DLG1: variants seen among roughly 807,000 people sequenced by gnomAD.
DLG1 encodes the protein discs large MAGUK scaffold protein 1.
Under a neutral mutation model 123.4 loss-of-function variants are expected in DLG1, and 42 were observed. That is an observed-to-expected ratio of 0.34 (90% CI 0.27 to 0.44). DLG1 has a LOEUF of 0.44. DLG1 is among the 20% of genes least tolerant of loss of function. The probability of loss-of-function intolerance (pLI) is 1.00; values close to 1 mark genes in which losing one functional copy is unlikely to be tolerated. For missense variants in DLG1, 942 were observed against 1,082.6 expected, an observed-to-expected ratio of 0.87 and a Z score of 1.82; for synonymous variants, 317 against 356.2, an observed-to-expected ratio of 0.89 and a Z score of 1.24.
chr3:197,138,152 GAT>G (rs1786053449), intron 9 of DLG1, 68 bp downstream of exon 9: 1 of 939,506 alleles, frequency 1.1e-6, no homozygotes, highest in Non-Finnish European at 1.5e-6. Flanking sequence ...GTATGTCACA[GAT>G]AAAGTTCATA....
chr3:197,221,545 A>G (rs955077067), intron 4 of DLG1, among the ~76,000 whole-genome samples: 2 of 152,114 alleles, frequency 1.3e-5, no homozygotes, highest in African/African-American at 2.4e-5. Flanking sequence ...GGAAAAAAAA[A>G]AAAGAAACAT....
intron 11 of DLG1, among the ~76,000 whole-genome samples, chr3:197,125,485 A>G (rs1346108267): frequency 1.3e-5 from 2 of 152,182 alleles, no homozygotes; most frequent in Non-Finnish European, 2.9e-5. Context: ...AGCTAATACA[A>G]ATAGAAAAAT....
chr3:197,225,126 T>C (rs1210928324), intron 4 of DLG1, among the ~76,000 whole-genome samples: 1 of 152,188 alleles, frequency 6.6e-6, no homozygotes. Flanking sequence ...CCAGCTAATT[T>C]TTTTGTACTT....
intron 13 of DLG1, among the ~76,000 whole-genome samples, chr3:197,108,992 C>T (rs1416504756): frequency 6.6e-6 from 1 of 151,942 alleles, no homozygotes; most frequent in Non-Finnish European, 1.5e-5. Flanking sequence ...CATTTTAATT[C>T]CCATGTCATT....
intron 4 of DLG1, among the ~76,000 whole-genome samples, chr3:197,253,266 T>C (rs867262267): frequency 2.5e-4 from 38 of 152,246 alleles, no homozygotes; most frequent in Admixed American, 2.2e-3. Context: ...CAAAAGACCA[T>C]GAAGAGACAT....
At chr3:197,159,618 T>C (rs760728443) in intron 5 of DLG1, among the ~76,000 whole-genome samples, 6 of 152,226 alleles carry the variant, frequency 3.9e-5, no homozygotes, top group Non-Finnish European at 5.9e-5. Context: ...TGTTAGTATG[T>C]ATTTTAAATT....
At position 197,115,811 on chromosome 3, in the gene DLG1, TAAG is replaced by T. The variant is rs921981320; in HGVS notation, c.1443+113_1443+115del. On this transcript the variant is annotated intron_variant, in intron 13 of 24. Transcript: ENST00000667157. Reference sequence around the variant, plus strand: ...ATTCTACAATTAAGCTGTAAAATGTTAAGAAGATAACCAAGATATCCCCATTAC... The same window carrying T: ...ATTCTACAATTAAGCTGTAAAATGTTAAGATAACCAAGATATCCCCATTAC... 2.3e-5 allele frequency: 23 copies of T among 1,000,310 alleles called. No homozygotes were observed. The African/African-American group carries it at 3.1e-4, about 13-fold the overall frequency. The allele number at this position is 1,000,310 out of a possible 1,614,324, so 62.0% of individuals were successfully genotyped here.
chr3:197,270,828 G>C (rs1279017748), intron 4 of DLG1, among the ~76,000 whole-genome samples: 1 of 152,190 alleles, frequency 6.6e-6, no homozygotes, highest in Non-Finnish European at 1.5e-5. Flanking sequence ...TCACTGTGAG[G>C]TCTGCTTACC....
At chr3:197,073,555 C>G (rs1027388383) in intron 18 of DLG1, among the ~76,000 whole-genome samples, 5 of 152,166 alleles carry the variant, frequency 3.3e-5, no homozygotes, top group Non-Finnish European at 7.4e-5. Flanking sequence ...TGCATTCTCC[C>G]AAACTTCCAT....
At position 197,044,616 on chromosome 3, in the gene DLG1, T is replaced by G; in HGVS notation, c.*7A>C. 3 of 1,578,398 alleles carry G rather than the reference T, an allele frequency of 1.9e-6. No individual in the cohort carries two copies. Among genetic ancestry groups the G allele is most frequent in the Non-Finnish European group, 2.6e-6 (3 of 1,151,398 alleles). Reference sequence around the variant, plus strand: ...TGTGGAAAAGAGAAACAGAGAAACATGAGTTTTCATAGCTTTTCTTTTGCC... The same window carrying G: ...TGTGGAAAAGAGAAACAGAGAAACAGGAGTTTTCATAGCTTTTCTTTTGCC... On this transcript the variant is annotated 3_prime_UTR_variant, in exon 25 of 25. Coordinates refer to ENST00000667157, the MANE Select transcript of DLG1 (RefSeq NM_001366207.1).
chr3:197,225,571 T>C (rs1739444743), intron 4 of DLG1, among the ~76,000 whole-genome samples: 1 of 152,238 alleles, frequency 6.6e-6, no homozygotes, highest in African/African-American at 2.4e-5. Flanking sequence ...GTGTTTCCTG[T>C]ACACTTAATT....
chr3:197,183,502 A>G lies in DLG1; in HGVS notation c.483+10923T>C, dbSNP rs1284525109. Reference sequence around the variant, plus strand: ...AGGCTATTCTTTAAATAAAAAATCTATATTAAGACATTTTTACAGAGCAAA... The same window carrying G: ...AGGCTATTCTTTAAATAAAAAATCTGTATTAAGACATTTTTACAGAGCAAA... On this transcript the variant is annotated intron_variant, in intron 5 of 24. Coordinates refer to ENST00000667157, the MANE Select transcript of DLG1 (RefSeq NM_001366207.1). 5 of 1,330,340 alleles carry G rather than the reference A, an allele frequency of 3.8e-6. No individual in the cohort carries two copies. The African/African-American group carries it at 4.4e-5, about 12-fold the overall frequency. The allele number at this position is 1,330,340 out of a possible 1,614,324, so 82.4% of individuals were successfully genotyped here. A position where few individuals can be genotyped will look rare whatever the true frequency, so the allele number is the denominator to read the frequency against.
intron 5 of DLG1, among the ~76,000 whole-genome samples, chr3:197,173,567 A>G (rs949083614): frequency 6.6e-6 from 1 of 152,168 alleles, no homozygotes; most frequent in African/African-American, 2.4e-5. Flanking sequence ...ATAGTTCAAA[A>G]AGAGATTTTG....
At chr3:197,142,151 T>A (rs1560995708) in intron 7 of DLG1, among the ~76,000 whole-genome samples, 1 of 152,220 alleles carries the variant, frequency 6.6e-6, no homozygotes. Context: ...AAAATTGATA[T>A]AATGACCATG....
intron 23 of DLG1, among the ~76,000 whole-genome samples, chr3:197,054,332 T>TTTTG (rs1553868190): frequency 5.0e-4 from 7 of 14,086 alleles, no homozygotes; most frequent in African/African-American, 2.0e-3. Context: ...TCTCTCTGCC[T>TTTTG]TCTCTCTATT....
chr3:197,257,094 A>G (rs1757235671), intron 4 of DLG1, among the ~76,000 whole-genome samples: 1 of 152,162 alleles, frequency 6.6e-6, no homozygotes, highest in Non-Finnish European at 1.5e-5. Flanking sequence ...TCTTTTAAAA[A>G]AAATCTAAAA....
chr3:197,111,966 G>A (rs934621954), intron 13 of DLG1, among the ~76,000 whole-genome samples: 5 of 152,178 alleles, frequency 3.3e-5, no homozygotes, highest in Non-Finnish European at 7.4e-5. Context: ...GAATGTTCTT[G>A]TCAAAGTGTT....
intron 10 of DLG1, among the ~76,000 whole-genome samples, chr3:197,133,350 G>A (rs1037107848): frequency 6.6e-6 from 1 of 152,218 alleles, no homozygotes; most frequent in Admixed American, 6.5e-5. Context: ...TCCCAGCTAA[G>A]AGCCAACTTG....
intron 12 of DLG1, among the ~76,000 whole-genome samples, chr3:197,117,544 T>G (rs1358161409): frequency 1.3e-5 from 2 of 152,196 alleles, no homozygotes; most frequent in Admixed American, 1.3e-4. Flanking sequence ...GAGTGTATCT[T>G]GACAACATAA....
Sources: allele counts gnomAD v4.1 joint callset (sites outside exome capture counted in the v4.1 genomes callset), GRCh38; gene constraint gnomAD v4.1.1; transcripts MANE v1.5; gene names NCBI Gene and HGNC (gene_info 2026-07-23, HGNC 2026-07-21).